Variants in XIRP2 observed in about 807,000 individuals in gnomAD.
XIRP2 encodes the protein xin actin binding repeat containing 2.
Under a neutral mutation model 277.0 loss-of-function variants are expected in XIRP2, and 236 were observed. The ratio of observed to expected loss-of-function variants is 0.85; its 90% CI spans 0.77 to 0.95. The LOEUF (loss-of-function observed/expected upper bound fraction) is 0.95, where lower values mean the gene tolerates loss of function less well. XIRP2 is among the 40% of genes least tolerant of loss of function. The pLI, the probability that XIRP2 is intolerant of heterozygous loss-of-function variation, is 0.00. For synonymous variants in XIRP2, 1,490 were observed against 1,416.5 expected (o/e 1.05, Z -1.17); for missense variants, 4,640 against 4,157.5 (o/e 1.12, Z -3.19).
At chr2:167,217,894 C>T (rs957242301) in intron 4 of XIRP2, among the ~76,000 whole-genome samples, 1 of 152,136 alleles carries the variant, frequency 6.6e-6, no homozygotes, top group East Asian at 1.9e-4. Context: ...GTCTTATCTG[C>T]AGACATCAAA....
At chr2:167,078,772 A>G (rs1290583660) in intron 2 of XIRP2, among the ~76,000 whole-genome samples, 2 of 149,192 alleles carry the variant, frequency 1.3e-5, no homozygotes, top group Non-Finnish European at 2.9e-5. Flanking sequence ...TGGAGGTTGG[A>G]GCTTGCAGTG....
At chr2:167,070,749 G>C (rs1010613321) in intron 2 of XIRP2, among the ~76,000 whole-genome samples, 7 of 152,074 alleles carry the variant, frequency 4.6e-5, no homozygotes, top group Admixed American at 1.3e-4. Flanking sequence ...ATTTGACTTG[G>C]AGCATACCAG....
At chr2:167,045,930 G>A (rs11902684) in intron 2 of XIRP2, among the ~76,000 whole-genome samples, 49,692 of 151,658 alleles carry the variant, frequency 0.33, 9,751 homozygotes, top group African/African-American at 0.54. Flanking sequence ...TGGGTTTGTC[G>A]TAGATAGCTG....
At chr2:166,946,225 A>G (rs544235409) in intron 2 of XIRP2, among the ~76,000 whole-genome samples, 60 of 152,138 alleles carry the variant, frequency 3.9e-4, no homozygotes, top group Non-Finnish European at 7.8e-4. Flanking sequence ...TATATGAGTA[A>G]ATTTAGAATA....
At chr2:166,918,022 T>C (rs1054432021) in intron 2 of XIRP2, among the ~76,000 whole-genome samples, 1 of 152,208 alleles carries the variant, frequency 6.6e-6, no homozygotes, top group Non-Finnish European at 1.5e-5. Flanking sequence ...CTGATGTTTT[T>C]TCATGGTTAC....
At chr2:167,068,932 C>A (rs1359496771) in intron 2 of XIRP2, among the ~76,000 whole-genome samples, 1 of 152,098 alleles carries the variant, frequency 6.6e-6, no homozygotes, top group Non-Finnish European at 1.5e-5. Flanking sequence ...CCTAGGGAAG[C>A]CAAAAGATTG....
intron 2 of XIRP2, among the ~76,000 whole-genome samples, chr2:166,939,718 A>G (rs532422833): frequency 6.3e-4 from 95 of 151,172 alleles, no homozygotes; most frequent in Admixed American, 1.3e-3. Flanking sequence ...AAAACAAAAA[A>G]CAAAACAAAA....
chr2:167,165,016 A>C (rs1055778904), intron 3 of XIRP2, among the ~76,000 whole-genome samples: 3 of 152,068 alleles, frequency 2.0e-5, no homozygotes, highest in Admixed American at 2.0e-4. Flanking sequence ...CCTCCTCCCA[A>C]TAACCCCTGT....
intron 2 of XIRP2, among the ~76,000 whole-genome samples, chr2:167,004,529 A>G (rs972516502): frequency 1.3e-5 from 2 of 151,928 alleles, no homozygotes; most frequent in African/African-American, 4.8e-5. Context: ...ACACGTGACA[A>G]TTTGTAAAAG....
intron 2 of XIRP2, among the ~76,000 whole-genome samples, chr2:166,912,111 T>A (rs1388395479): frequency 6.6e-6 from 1 of 152,162 alleles, no homozygotes; most frequent in African/African-American, 2.4e-5. Flanking sequence ...TCGAGGAGTA[T>A]CTTTGTGGCA....
intron 2 of XIRP2, among the ~76,000 whole-genome samples, chr2:167,046,692 A>G (rs115132579): frequency 8.5e-5 from 13 of 152,070 alleles, no homozygotes; most frequent in African/African-American, 1.7e-4. Flanking sequence ...CAAATACTGC[A>G]TGTTCCCATT....
intron 3 of XIRP2, among the ~76,000 whole-genome samples, chr2:167,138,662 C>T (rs966122220): frequency 1.3e-5 from 2 of 152,100 alleles, no homozygotes; most frequent in African/African-American, 4.8e-5. Flanking sequence ...TCAAGCATAG[C>T]AAATCCATAA....
Position 167,058,944 on chromosome 2 carries a change from G to A in XIRP2, c.409-76965G>A, listed in dbSNP as rs142452397. Reference sequence around the variant, plus strand: ...ATTATAGCAACTTATGTTTGGCTGAGCTTACTTACATTTACCTTACTTCAA... The same window carrying A: ...ATTATAGCAACTTATGTTTGGCTGAACTTACTTACATTTACCTTACTTCAA... On this transcript the variant is annotated intron_variant, in intron 2 of 10. Transcript: ENST00000409195. Among the ~76,000 whole-genome samples the A allele has an allele frequency of 4.6e-5, 7 of 152,034 alleles. No homozygotes were observed. The East Asian group carries it at 1.4e-3, about 29-fold the overall frequency.
At chr2:167,053,807 A>G (rs1688975253) in intron 2 of XIRP2, among the ~76,000 whole-genome samples, 1 of 152,200 alleles carries the variant, frequency 6.6e-6, no homozygotes, top group Non-Finnish European at 1.5e-5. Context: ...TTCTCAAAAT[A>G]TCAGTCAGCA....
chr2:167,198,391 G>T (rs541026292), intron 3 of XIRP2, among the ~76,000 whole-genome samples: 4 of 152,226 alleles, frequency 2.6e-5, no homozygotes, highest in East Asian at 3.9e-4. Flanking sequence ...TTAAAAACCT[G>T]TTTAAGATGT....
chr2:166,910,881 A>G (rs1574071069), intron 2 of XIRP2, among the ~76,000 whole-genome samples: 4 of 152,182 alleles, frequency 2.6e-5, no homozygotes, highest in Admixed American at 1.3e-4. Context: ...CCCAGTAGTC[A>G]TTCAGGAGCG....
chr2:167,081,981 A>G (rs545207412), intron 2 of XIRP2, among the ~76,000 whole-genome samples: 1 of 150,686 alleles, frequency 6.6e-6, no homozygotes, highest in African/African-American at 2.4e-5. Context: ...GTTTTAGGGT[A>G]CATGTGCACA....
chr2:167,225,170 T>A (rs1414716660), intron 5 of XIRP2, among the ~76,000 whole-genome samples: 1 of 152,198 alleles, frequency 6.6e-6, no homozygotes, highest in African/African-American at 2.4e-5. Context: ...AGCATAGCAT[T>A]GCTTTTGAAG....
At chr2:167,100,985 G>GGT (rs1400486430) in intron 2 of XIRP2, among the ~76,000 whole-genome samples, 1 of 151,688 alleles carries the variant, frequency 6.6e-6, no homozygotes, top group African/African-American at 2.4e-5. Context: ...CTTTTTATCT[G>GGT]GTATCTTTTA....
Sources: gnomAD v4.1 joint callset for allele counts (sites outside exome capture counted in the v4.1 genomes callset) on GRCh38, gnomAD v4.1.1 for gene constraint, MANE v1.5 for transcripts, NCBI Gene and HGNC (gene_info 2026-07-23, HGNC 2026-07-21) for gene names.